KPNA7: variants seen among roughly 807,000 people sequenced by gnomAD.
KPNA7 encodes the protein karyopherin subunit alpha 7.
In KPNA7, 54 loss-of-function variants were observed where a neutral mutation model predicts 53.7. The ratio of observed to expected loss-of-function variants is 1.01; its 90% CI spans 0.81 to 1.26. The LOEUF is 1.26. Ranked by LOEUF, KPNA7 falls within the 50% of genes most tolerant of loss-of-function variation. The pLI, the probability that KPNA7 is intolerant of heterozygous loss-of-function variation, is 0.00. For synonymous variants in KPNA7, 276 were observed against 259.3 expected (o/e 1.06, Z -0.62); for missense variants, 640 against 644.5 (o/e 0.99, Z 0.07).
chr7:99,205,812 C>CAT (rs1790783452), intron 2 of KPNA7, among the ~76,000 whole-genome samples: 2 of 151,988 alleles, frequency 1.3e-5, no homozygotes, highest in Non-Finnish European at 2.9e-5. Context: ...GATCACACTG[C>CAT]TGCACTCCAG....
intron 3 of KPNA7, among the ~76,000 whole-genome samples, chr7:99,199,813 T>C (rs1285059938): frequency 6.6e-6 from 1 of 152,170 alleles, no homozygotes; most frequent in Non-Finnish European, 1.5e-5. Context: ...CAGAACAGAA[T>C]ATATTTGCAA....
chr7:99,173,887 C>A, intron 10 of KPNA7, 93 bp from the exon 11 acceptor site: 1 of 743,778 alleles, frequency 1.3e-6, no homozygotes, highest in Non-Finnish European at 2.3e-6. Context: ...CAAAATTGAC[C>A]CTCTTAACCA....
chr7:99,149,668 T>C, the KPNA7 span, among the ~76,000 whole-genome samples: 1 of 152,218 alleles, frequency 6.6e-6, no homozygotes, highest in Non-Finnish European at 1.5e-5. Context: ...TGAGAGCACA[T>C]TTCTGTTCCT....
chr7:99,157,866 C>T, the KPNA7 span, among the ~76,000 whole-genome samples: 4 of 152,122 alleles, frequency 2.6e-5, no homozygotes, highest in Non-Finnish European at 5.9e-5. Context: ...CCTCGACCTC[C>T]TGGACTTAAG....
rs747752278 is a variant in KPNA7, at chr7:99,181,978, G to A, written c.1222C>T (p.His408Tyr). 15 of 1,551,178 alleles carry A rather than the reference G, an allele frequency of 9.7e-6. No individual in the cohort carries two copies. The highest frequency in any genetic ancestry group is 5.9e-5 in the South Asian group (5 of 84,036). ...ACCAGTGGCTCCAGGACCCCAGAGT[G>A]GACGAGCTGGATCAGCTGATCCATG... ...ATMDQLIQLV[H>Y]SGVLEPLVNL... is the part of the protein sequence containing the mutation. Residue 408 changes from histidine to tyrosine, a missense_variant, in exon 9 of 11, where the codon CAC becomes TAC. Coordinates refer to ENST00000327442, the MANE Select transcript of KPNA7 (RefSeq NM_001145715.3).
At chr7:99,146,871 C>G in the KPNA7 span, among the ~76,000 whole-genome samples, 1 of 151,996 alleles carries the variant, frequency 6.6e-6, no homozygotes, top group Non-Finnish European at 1.5e-5. Flanking sequence ...AACACAAAGC[C>G]TATTTTACGA....
At position 99,177,967 on chromosome 7, in the gene KPNA7, G is replaced by T. The variant is rs1163610760; in HGVS notation, c.1417C>A (p.Gln473Lys). 1.3e-6 allele frequency: 2 copies of T among 1,551,810 alleles called. No individual in the cohort carries two copies. Among genetic ancestry groups the T allele is most frequent in the Non-Finnish European group, 1.7e-6 (2 of 1,147,068 alleles). The change falls in exon 10 of 11, where the codon CAA (glutamine) becomes AAA (lysine). Residue 473 changes from glutamine (Q) to lysine (K), a missense_variant. Coordinates refer to ENST00000327442, the MANE Select transcript of KPNA7 (RefSeq NM_001145715.3). ...ATGTTCAAAGCCGACTGGCCAATTTGACGGTTCTCATGCAGCTGTAAAGCC... is the reference window on the plus strand; with the variant it reads ...ATGTTCAAAGCCGACTGGCCAATTTTACGGTTCTCATGCAGCTGTAAAGCC... The part of the protein sequence containing the change: ...IEALQLHENR[Q>K]IGQSALNIIE...
At chr7:99,173,250 G>A (rs185269002), downstream of KPNA7, among the ~76,000 whole-genome samples, 2 of 151,988 alleles carry the variant, frequency 1.3e-5, no homozygotes, top group East Asian at 3.9e-4. Context: ...GAGTACAATG[G>A]CTCCATCTCA....
chr7:99,173,790 T>C lies in KPNA7; in HGVS notation c.1469A>G (p.Glu490Gly), dbSNP rs1441722705. 1 of 1,541,430 alleles carries C rather than the reference T, an allele frequency of 6.5e-7. No individual in the cohort carries two copies. Among genetic ancestry groups the C allele is most frequent in the South Asian group, 1.2e-5 (1 of 83,690 alleles). ...GCTCAGTAAAGTTTGGCTCTCATCT[T>C]CTTCCTTCAGGAGAGAATAGACACT... is the stretch of plus-strand genomic sequence containing the variant. ...NIIEKHFGEE[E>G]DESQTLLSQV... Residue 490 changes from glutamate to glycine, a missense_variant, in exon 11 of 11, where the codon GAA becomes GGA. Glu to Gly is a moderately conservative substitution (Grantham distance 98, BLOSUM62 -2). Transcript: ENST00000327442.
chr7:99,172,144 C>T (rs746639878), downstream of KPNA7, among the ~76,000 whole-genome samples: 2 of 152,122 alleles, frequency 1.3e-5, no homozygotes, highest in African/African-American at 2.4e-5. Flanking sequence ...AATTAGATAT[C>T]TACGATGCGA....
upstream of KPNA7, among the ~76,000 whole-genome samples, chr7:99,212,334 T>A (rs1435324888): frequency 1.4e-5 from 2 of 139,594 alleles, no homozygotes; most frequent in East Asian, 4.5e-4. Flanking sequence ...AACCTCCACC[T>A]CTCGGTTCAA....
the KPNA7 span, among the ~76,000 whole-genome samples, chr7:99,147,097 G>A: frequency 2.0e-5 from 3 of 152,026 alleles, no homozygotes; most frequent in Admixed American, 6.6e-5. Context: ...TTACTCATTC[G>A]GCAAACATTG....
chr7:99,219,334 G>C (rs1457468657), intron 1 of KPNA7, among the ~76,000 whole-genome samples: 1 of 152,202 alleles, frequency 6.6e-6, no homozygotes, highest in Non-Finnish European at 1.5e-5. Flanking sequence ...AGGCTCCTAG[G>C]ATCTAGCTAG....
chr7:99,168,977 C>A (rs1212409194), downstream of KPNA7, among the ~76,000 whole-genome samples: 1 of 152,080 alleles, frequency 6.6e-6, no homozygotes, highest in African/African-American at 2.4e-5. Flanking sequence ...ATCACAAGGT[C>A]AAGAGATTGA....
chr7:99,148,035 G>C, the KPNA7 span, among the ~76,000 whole-genome samples: 1 of 149,154 alleles, frequency 6.7e-6, no homozygotes, highest in African/African-American at 2.5e-5. Context: ...AAAAAAAAAA[G>C]TTGATTAAAA....
chr7:99,152,674 C>A, the KPNA7 span, among the ~76,000 whole-genome samples: 1 of 152,162 alleles, frequency 6.6e-6, no homozygotes, highest in Admixed American at 6.5e-5. Context: ...CAGCCCCAAC[C>A]TTTGCTATTT....
intron 1 of KPNA7, among the ~76,000 whole-genome samples, chr7:99,216,702 C>T (rs772066564): frequency 1.8e-4 from 27 of 152,200 alleles, no homozygotes; most frequent in Admixed American, 3.3e-4. Context: ...GCTGGGATTA[C>T]GGGCATGCGC....
At chr7:99,169,164 A>G (rs1798726977), downstream of KPNA7, among the ~76,000 whole-genome samples, 1 of 151,844 alleles carries the variant, frequency 6.6e-6, no homozygotes. Context: ...CAAATAAATA[A>G]TTTTTTAAAA....
the KPNA7 span, among the ~76,000 whole-genome samples, chr7:99,162,746 TA>T: frequency 1.0e-3 from 156 of 152,234 alleles, no homozygotes; most frequent in Non-Finnish European, 1.8e-3. Flanking sequence ...CTCTTTTAAT[TA>T]AAAAAATTTT....
Sources: gnomAD v4.1 joint callset for allele counts (sites outside exome capture counted in the v4.1 genomes callset) on GRCh38, gnomAD v4.1.1 for gene constraint, MANE v1.5 for transcripts, NCBI Gene and HGNC (gene_info 2026-07-23, HGNC 2026-07-21) for gene names.